Variants in OR4K2 observed in about 807,000 individuals in gnomAD.
OR4K2 encodes olfactory receptor 4K2.
A neutral mutation model predicts 10.5 loss-of-function variants in OR4K2; 8 were observed. The observed-to-expected ratio is 0.76, with a 90% CI of 0.45 to 1.37. The LOEUF is 1.37. Among genes scored for constraint, OR4K2 ranks in the 40% most tolerant of loss-of-function variants. The pLI is 0.00. For missense variants in OR4K2, 547 were observed against 379.5 expected, an observed-to-expected ratio of 1.44 and a Z score of -3.67; for synonymous variants, 178 against 133.6, an observed-to-expected ratio of 1.33 and a Z score of -2.29.
rs1230250805 is a variant in OR4K2 at position 19,879,967 on chromosome 14, A to G, written c.*2755A>G. The G allele has an allele frequency of 6.6e-6, 1 of 152,240 alleles. No individual in the cohort carries two copies. Among genetic ancestry groups the G allele is most frequent in the Non-Finnish European group, 1.5e-5 (1 of 68,050 alleles). 9.4% of individuals were successfully genotyped at this position (152,240 alleles called of 1,614,324 possible). A position where few individuals can be genotyped will look rare whatever the true frequency, so the allele number is the denominator to read the frequency against. On this transcript the variant is annotated 3_prime_UTR_variant, in exon 2 of 2. Transcript: ENST00000641885. ...GCTTTAAGCCTAGCTTGTCCAACCC[A>G]TGACCTGCAGGTTGCATGCGGCTCA...
Position 19,876,702 on chromosome 14 carries a change from G to A in OR4K2, c.435G>A (p.Val145=). ...GTCCCCAGGTGTGTGTTGCTCTCGT[G>A]GTGGCTTCCTGGATTATGGGAGTTA... The part of the protein sequence containing the change: ...VISPQVCVAL[V]VASWIMGVMH... Residue 145 remains valine (V), a synonymous_variant, in exon 2 of 2, where the codon GTG becomes GTA. Coordinates refer to ENST00000641885, the MANE Select transcript of OR4K2 (RefSeq NM_001005501.2). 1 of 1,614,012 alleles carries A rather than the reference G, an allele frequency of 6.2e-7. No homozygotes were observed. Among genetic ancestry groups the A allele is most frequent in the Non-Finnish European group, 8.5e-7 (1 of 1,179,954 alleles).
rs755924414 is a variant in OR4K2, at chr14:19,876,923, T to G, written c.656T>G (p.Val219Gly). ...SCFIVLFNSY[V>G]IVLVTVKHHS... ...TTTATTGTTTTATTTAATTCATATGTTATTGTCCTGGTTACTGTGAAGCAT... is the reference window on the plus strand; with the variant it reads ...TTTATTGTTTTATTTAATTCATATGGTATTGTCCTGGTTACTGTGAAGCAT... The change falls in exon 2 of 2, where the codon GTT becomes GGT. Residue 219 changes from valine to glycine, a missense_variant. Transcript: ENST00000641885. The G allele has an allele frequency of 1.9e-6, 3 of 1,614,086 alleles. No individual in the cohort carries two copies. The highest frequency in any genetic ancestry group is 2.5e-6 in the Non-Finnish European group (3 of 1,180,022).
chr14:19,876,236 G>A lies in OR4K2; in HGVS notation c.-23-9G>A, dbSNP rs746575990. On this transcript the variant is annotated splice_polypyrimidine_tract_variant and intron_variant, in intron 1 of 1. Transcript: ENST00000641885. ...TTCCTTTTTTTTTTTTTTTTTTTTC[G>A]TGATACAGGCTTCTGCCTATGAATC... is the stretch of plus-strand genomic sequence containing the variant. The A allele has an allele frequency of 7.5e-5, 38 of 509,062 alleles. No individual in the cohort carries two copies. Among genetic ancestry groups the A allele is most frequent in the Admixed American group, 4.1e-4 (9 of 22,126 alleles). 31.5% of individuals were successfully genotyped at this position (509,062 alleles called of 1,614,324 possible). A position where few individuals can be genotyped will look rare whatever the true frequency, so the allele number is the denominator to read the frequency against.
chr14:19,880,346 G>C lies in OR4K2; in HGVS notation c.*3134G>C, dbSNP rs1416282881. On this transcript the variant is annotated 3_prime_UTR_variant, in exon 2 of 2. Transcript: ENST00000641885. ...CTCAGTTTCTACATATGTTAAAGGA[G>C]ATAATAGTGGTCTCTACACCACAGA... 2 of 152,140 alleles carry C rather than the reference G, an allele frequency of 1.3e-5. No homozygotes were observed. The highest frequency in any genetic ancestry group is 2.4e-5 in the African/African-American group (1 of 41,420). The allele number at this position is 152,140 out of a possible 1,614,324, so 9.4% of individuals were successfully genotyped here. A position where few individuals can be genotyped will look rare whatever the true frequency, so the allele number is the denominator to read the frequency against.
In OR4K2 at chr14:19,877,170, G is replaced by A. The variant is rs540643299; in HGVS notation, c.903G>A (p.Leu301=). The change falls in exon 2 of 2, where the codon CTG becomes CTA. Residue 301 remains leucine, a synonymous_variant. Coordinates refer to ENST00000641885, the MANE Select transcript of OR4K2 (RefSeq NM_001005501.2). ...NQEVKIAMRK[L]KNRFLNFNKA... ...AAGTAAAGATAGCCATGAGGAAACT[G>A]AAAAATAGGTTTCTAAATTTTAATA... The A allele has an allele frequency of 5.0e-5, 79 of 1,595,792 alleles. No individual in the cohort carries two copies. In the South Asian group the frequency reaches 8.7e-4, roughly 18 times the overall value.
Position 19,877,209 on chromosome 14 carries a change from A to G in OR4K2, c.942A>G (p.Ser314=), listed in dbSNP as rs376729384. Residue 314 remains serine, a synonymous_variant, in exon 2 of 2, where the codon TCA becomes TCG. Coordinates refer to ENST00000641885, the MANE Select transcript of OR4K2 (RefSeq NM_001005501.2). ...TAAATTTTAATAAGGCAATGCCTTC[A>G]TAGTTTTTGTGACACAGAACATTAG... ...RFLNFNKAMP[S] is the part of the protein sequence containing the mutation. The G allele has an allele frequency of 6.8e-5, 107 of 1,562,182 alleles. No individual in the cohort carries two copies. The highest frequency in any genetic ancestry group is 8.8e-5 in the Non-Finnish European group (101 of 1,151,686).
In OR4K2 at chr14:19,882,051, C is replaced by T; in HGVS notation, c.*4839C>T. On this transcript the variant is annotated 3_prime_UTR_variant, in exon 2 of 2. Transcript: ENST00000641885. Reference sequence around the variant, plus strand: ...CATGCATTGGAGGCTGCAACTGGAGCTATTGTGTTCCAGAGCACATTACCC... The same window carrying T: ...CATGCATTGGAGGCTGCAACTGGAGTTATTGTGTTCCAGAGCACATTACCC... 6.6e-6 allele frequency: 1 copy of T among 152,198 alleles called. No individual in the cohort carries two copies. The highest frequency in any genetic ancestry group is 1.9e-4 in the East Asian group (1 of 5,194). 9.4% of individuals were successfully genotyped at this position (152,198 alleles called of 1,614,324 possible). A position where few individuals can be genotyped will look rare whatever the true frequency, so the allele number is the denominator to read the frequency against.
Position 19,878,936 on chromosome 14 carries a change from G to T in OR4K2, c.*1724G>T, listed in dbSNP as rs1360447008. 1.3e-5 allele frequency: 2 copies of T among 152,186 alleles called. No individual in the cohort carries two copies. The highest frequency in any genetic ancestry group is 2.1e-4 in the South Asian group (1 of 4,832). 9.4% of individuals were successfully genotyped at this position (152,186 alleles called of 1,614,324 possible). On this transcript the variant is annotated 3_prime_UTR_variant, in exon 2 of 2. Coordinates refer to ENST00000641885, the MANE Select transcript of OR4K2 (RefSeq NM_001005501.2). ...ATTCTTTTACTTGACATATTTCTTT[G>T]TCCAGGGAATATTTTCAAAACTGTG...
At position 19,876,274 on chromosome 14, in the gene OR4K2, G is replaced by A; in HGVS notation, c.7G>A (p.Val3Met). The change falls in exon 2 of 2, where the codon GTG becomes ATG. Residue 3 changes from valine (V) to methionine (M), a missense_variant. Val to Met is a conservative substitution (Grantham distance 21). Transcript: ENST00000641885. Reference sequence around the variant, plus strand: ...CTGCCTATGAATCAAGACAATGGATGTGGGCAATAAGTCTACCATGTCTGA... The same window carrying A: ...CTGCCTATGAATCAAGACAATGGATATGGGCAATAAGTCTACCATGTCTGA... MD[V>M]GNKSTMSEFV... is the part of the protein sequence containing the mutation. 1 of 1,438,466 alleles carries A rather than the reference G, an allele frequency of 7.0e-7. No individual in the cohort carries two copies. The highest frequency in any genetic ancestry group is 9.6e-7 in the Non-Finnish European group (1 of 1,042,240). 89.1% of individuals were successfully genotyped at this position (1,438,466 alleles called of 1,614,324 possible).
Position 19,876,582 on chromosome 14 carries a change from C to A in OR4K2, c.315C>A (p.His105Gln). The part of the protein sequence containing the change: ...DGCLTQIFFL[H>Q]LFTGTEIILL... ...GCCTTACCCAGATATTCTTTCTCCA[C>A]CTTTTCACTGGAACTGAGATCATCT... The change falls in exon 2 of 2, where the codon CAC becomes CAA. Residue 105 changes from histidine (H) to glutamine (Q), a missense_variant. Physicochemically the swap from His to Gln is conservative, Grantham distance 24 (BLOSUM62 0). Transcript: ENST00000641885. The A allele has an allele frequency of 6.2e-7, 1 of 1,614,180 alleles. No homozygotes were observed. Among genetic ancestry groups the A allele is most frequent in the Non-Finnish European group, 8.5e-7 (1 of 1,180,006 alleles).
Position 19,877,125 on chromosome 14 carries a change from C to T in OR4K2, c.858C>T (p.Ile286=). 1.9e-6 allele frequency: 3 copies of T among 1,606,038 alleles called. No homozygotes were observed. The highest frequency in any genetic ancestry group is 1.7e-6 in the Non-Finnish European group (2 of 1,179,782). ...TTACTCCCACTCTGAACCCAATAAT[C>T]TATACTTTGAGGAATCAAGAAGTAA... ...TIFTPTLNPI[I]YTLRNQEVKI... is the part of the protein sequence containing the mutation. The change falls in exon 2 of 2, where the codon ATC becomes ATT. Residue 286 remains isoleucine (I), a synonymous_variant. Coordinates refer to ENST00000641885, the MANE Select transcript of OR4K2 (RefSeq NM_001005501.2).
rs1475038321 is a variant in OR4K2, at chr14:19,876,320, C to T, written c.53C>T (p.Ser18Phe). Residue 18 changes from serine (S) to phenylalanine (F), a missense_variant, in exon 2 of 2, where the codon TCT becomes TTT. Coordinates refer to ENST00000641885, the MANE Select transcript of OR4K2 (RefSeq NM_001005501.2). The part of the protein sequence containing the change: ...TMSEFVLLGL[S>F]NSWELQMFFF... ...TCTGAATTTGTTTTGCTGGGGCTCT[C>T]TAATTCCTGGGAACTACAGATGTTT... is the stretch of plus-strand genomic sequence containing the variant. 4 of 1,604,044 alleles carry T rather than the reference C, an allele frequency of 2.5e-6. No individual in the cohort carries two copies. The African/African-American group carries it at 4.1e-5, about 16-fold the overall frequency.
Position 19,877,080 on chromosome 14 carries a change from G to GTCTGTGTTTTAT in OR4K2, c.814_825dup (p.Ser272_Tyr275dup). 2 of 1,611,146 alleles carry GTCTGTGTTTTAT rather than the reference G, an allele frequency of 1.2e-6. No homozygotes were observed. Among genetic ancestry groups the GTCTGTGTTTTAT allele is most frequent in the Non-Finnish European group, 1.7e-6 (2 of 1,179,822 alleles). On this transcript the variant is annotated inframe_insertion, in exon 2 of 2. Transcript: ENST00000641885. ...GCAGCTTTCTCACAGACAAGATTCT[G>GTCTGTGTTTTAT]TCTGTGTTTTATACCATCTTTACTC...
chr14:19,879,746 C>A lies in OR4K2; in HGVS notation c.*2534C>A, dbSNP rs1051696533. ...TAAAAACTACAAATTATGTTTGTTTCTAAAAATGCTTAAGAAAACTTTTAG... is the reference window on the plus strand; with the variant it reads ...TAAAAACTACAAATTATGTTTGTTTATAAAAATGCTTAAGAAAACTTTTAG... On this transcript the variant is annotated 3_prime_UTR_variant, in exon 2 of 2. Transcript: ENST00000641885. 1 of 152,192 alleles carries A rather than the reference C, an allele frequency of 6.6e-6. No homozygotes were observed. Among genetic ancestry groups the A allele is most frequent in the Non-Finnish European group, 1.5e-5 (1 of 68,020 alleles). 9.4% of individuals were successfully genotyped at this position (152,192 alleles called of 1,614,324 possible). A position where few individuals can be genotyped will look rare whatever the true frequency, so the allele number is the denominator to read the frequency against.
rs1377478686 is a variant in OR4K2 at position 19,877,040 on chromosome 14, A to G, written c.773A>G (p.Tyr258Cys). Reference protein sequence around the residue: ...FLFFGPCIFIYMWPLSSFLTD... With the variant: ...FLFFGPCIFICMWPLSSFLTD... Reference sequence around the variant, plus strand: ...TTCTTTGGGCCATGCATCTTCATCTACATGTGGCCACTAAGCAGCTTTCTC... The same window carrying G: ...TTCTTTGGGCCATGCATCTTCATCTGCATGTGGCCACTAAGCAGCTTTCTC... Residue 258 changes from tyrosine to cysteine, a missense_variant, in exon 2 of 2, where the codon TAC becomes TGC. By Grantham distance (194) the Tyr-to-Cys change is radical. Transcript: ENST00000641885. The G allele has an allele frequency of 1.2e-6, 2 of 1,613,312 alleles. No homozygotes were observed. The highest frequency in any genetic ancestry group is 2.2e-5 in the East Asian group (1 of 44,882).
chr14:19,883,313 T>C lies in OR4K2; in HGVS notation c.*6101T>C, dbSNP rs1881084735. On this transcript the variant is annotated 3_prime_UTR_variant, in exon 2 of 2. Transcript: ENST00000641885. ...AGTTGATATCTCTAACCATTTTTGT[T>C]GGCTGAAGCTTATTCTCTACTATAT... 1 of 152,294 alleles carries C rather than the reference T, an allele frequency of 6.6e-6. No homozygotes were observed. The highest frequency in any genetic ancestry group is 1.5e-5 in the Non-Finnish European group (1 of 68,058). 9.4% of individuals were successfully genotyped at this position (152,294 alleles called of 1,614,324 possible).
Position 19,877,305 on chromosome 14 carries a change from G to T in OR4K2, c.*93G>T. 1 of 875,830 alleles carries T rather than the reference G, an allele frequency of 1.1e-6. No individual in the cohort carries two copies. The highest frequency in any genetic ancestry group is 1.7e-5 in the South Asian group (1 of 58,574). The allele number at this position is 875,830 out of a possible 1,614,324, so 54.3% of individuals were successfully genotyped here. On this transcript the variant is annotated 3_prime_UTR_variant, in exon 2 of 2. Transcript: ENST00000641885. Reference sequence around the variant, plus strand: ...ATTGTAATTGCCAAGAATTTGTGAGGGCTCAAGTTCAGTGCATTTTGAAAC... The same window carrying T: ...ATTGTAATTGCCAAGAATTTGTGAGTGCTCAAGTTCAGTGCATTTTGAAAC...
Position 19,881,389 on chromosome 14 carries a change from C to A in OR4K2, c.*4177C>A, listed in dbSNP as rs939996354. 2 of 152,288 alleles carry A rather than the reference C, an allele frequency of 1.3e-5. No homozygotes were observed. Among genetic ancestry groups the A allele is most frequent in the Middle Eastern group, 3.4e-3 (1 of 294 alleles). 9.4% of individuals were successfully genotyped at this position (152,288 alleles called of 1,614,324 possible). A position where few individuals can be genotyped will look rare whatever the true frequency, so the allele number is the denominator to read the frequency against. ...ACAAATTATTCTGGAGCGTGTAGGA[C>A]CAACACTCAAATGAGACTGGAAATG... is the stretch of plus-strand genomic sequence containing the variant. On this transcript the variant is annotated 3_prime_UTR_variant, in exon 2 of 2. Transcript: ENST00000641885.
chr14:19,880,894 T>C lies in OR4K2; in HGVS notation c.*3682T>C, dbSNP rs2138534398. Reference sequence around the variant, plus strand: ...ATGAAGTTTTGTATTATATGAGCTGTCTTATGTGAAGTATTTTTCTGCATT... The same window carrying C: ...ATGAAGTTTTGTATTATATGAGCTGCCTTATGTGAAGTATTTTTCTGCATT... On this transcript the variant is annotated 3_prime_UTR_variant, in exon 2 of 2. Coordinates refer to ENST00000641885, the MANE Select transcript of OR4K2 (RefSeq NM_001005501.2). The C allele has an allele frequency of 6.6e-6, 1 of 152,400 alleles. No individual in the cohort carries two copies. The highest frequency in any genetic ancestry group is 1.9e-4 in the East Asian group (1 of 5,192). 9.4% of individuals were successfully genotyped at this position (152,400 alleles called of 1,614,324 possible). A position where few individuals can be genotyped will look rare whatever the true frequency, so the allele number is the denominator to read the frequency against.
Sources: gnomAD v4.1 joint callset for allele counts on GRCh38, gnomAD v4.1.1 for gene constraint, MANE v1.5 for transcripts, NCBI Gene and HGNC (gene_info 2026-07-23, HGNC 2026-07-21) for gene names.